Variants in BFSP2 observed in about 807,000 individuals in gnomAD.
BFSP2 encodes the protein beaded filament structural protein 2, also known as phakinin.
BFSP2 carries 38 observed loss-of-function variants against 44.9 expected under a neutral mutation model. The ratio of observed to expected loss-of-function variants is 0.85; its 90% CI spans 0.65 to 1.11. BFSP2 has a LOEUF of 1.11. Among genes scored for constraint, BFSP2 ranks in the 50% least tolerant of loss-of-function variants. The probability of loss-of-function intolerance (pLI) is 0.00; values close to 1 mark genes in which losing one functional copy is unlikely to be tolerated. For synonymous variants in BFSP2, 197 were observed against 209.9 expected, an observed-to-expected ratio of 0.94 and a Z score of 0.53; for missense variants, 525 against 533.0, an observed-to-expected ratio of 0.99 and a Z score of 0.15.
At chr3:133,404,570 A>C (rs1216254038) in intron 1 of BFSP2, among the ~76,000 whole-genome samples, 1 of 152,184 alleles carries the variant, frequency 6.6e-6, no homozygotes, top group African/African-American at 2.4e-5. Context: ...AGAATCATGG[A>C]GCGAGGCCTC....
chr3:133,465,001 C>CTTTT (rs71136470), intron 4 of BFSP2, among the ~76,000 whole-genome samples: 92 of 132,094 alleles, frequency 7.0e-4, no homozygotes, highest in African/African-American at 2.4e-3. Context: ...CTTGGGGTTT[C>CTTTT]TTTTTTTTTT....
At position 133,450,438 on chromosome 3, in the gene BFSP2, G is replaced by A. The variant is rs145444931; in HGVS notation, c.865G>A (p.Glu289Lys). ...WERDVEKNRV[E>K]AGALLQAKQQ... ...GAGAGATGTTGAAAAGAACCGGGTG[G>A]AGGCAGGAGCCCTGCTCCAAGCTAA... Residue 289 changes from glutamate (E) to lysine (K), a missense_variant, in exon 4 of 7, where the codon GAG becomes AAG. Glu to Lys is a moderately conservative substitution (Grantham distance 56). Transcript: ENST00000302334. The A allele has an allele frequency of 5.0e-4, 799 of 1,613,964 alleles. No homozygotes were observed. The highest frequency in any genetic ancestry group is 6.3e-4 in the Non-Finnish European group (743 of 1,180,022).
intron 1 of BFSP2, among the ~76,000 whole-genome samples, chr3:133,438,709 A>G (rs981086669): frequency 6.6e-6 from 1 of 152,216 alleles, no homozygotes; most frequent in African/African-American, 2.4e-5. Context: ...ATTAAAATAG[A>G]AGAACTACAA....
chr3:133,423,000 C>A (rs1336440940), intron 1 of BFSP2, among the ~76,000 whole-genome samples: 1 of 152,190 alleles, frequency 6.6e-6, no homozygotes, highest in Non-Finnish European at 1.5e-5. Flanking sequence ...TGTCATGGTT[C>A]CAGATACCCA....
chr3:133,420,466 A>G (rs2073582409), intron 1 of BFSP2, among the ~76,000 whole-genome samples: 1 of 152,196 alleles, frequency 6.6e-6, no homozygotes, highest in Non-Finnish European at 1.5e-5. Context: ...CTCTCTGTCC[A>G]GATAGAATCA....
chr3:133,469,864 C>A (rs944116208), intron 5 of BFSP2, among the ~76,000 whole-genome samples: 2 of 152,208 alleles, frequency 1.3e-5, no homozygotes, highest in African/African-American at 4.8e-5. Flanking sequence ...GGTCCTAAGT[C>A]ACCATGGAAA....
intron 1 of BFSP2, among the ~76,000 whole-genome samples, chr3:133,414,945 A>AC (rs200313229): frequency 2.5e-4 from 6 of 23,578 alleles, no homozygotes; most frequent in African/African-American, 3.5e-4. Flanking sequence ...CCCTCTACTC[A>AC]CCCTGCCATC....
intron 1 of BFSP2, among the ~76,000 whole-genome samples, chr3:133,420,220 A>T (rs2073580455): frequency 6.6e-6 from 1 of 152,216 alleles, no homozygotes; most frequent in Non-Finnish European, 1.5e-5. Context: ...GGGGCTTGTT[A>T]TGAGGTTTAG....
rs544415126 is a variant in BFSP2, at chr3:133,434,219, T to G, written c.490-13098T>G. Among the ~76,000 whole-genome samples the G allele has an allele frequency of 1.9e-4, 29 of 152,322 alleles. 1 individual carries two copies. Among genetic ancestry groups the G allele is most frequent in the Middle Eastern group, 3.4e-3 (1 of 294 alleles). Reference sequence around the variant, plus strand: ...CCTAGGTCCTGCCAATTCTTAGACCTTTTATACCTGTTTTTCTCCTTCTCT... The same window carrying G: ...CCTAGGTCCTGCCAATTCTTAGACCGTTTATACCTGTTTTTCTCCTTCTCT... On this transcript the variant is annotated intron_variant, in intron 1 of 6. Transcript: ENST00000302334.
rs186574158 is a variant in BFSP2, at chr3:133,450,394, C to T, written c.821C>T (p.Thr274Met). Residue 274 changes from threonine to methionine, a missense_variant, in exon 4 of 7, where the codon ACG (threonine) becomes ATG (methionine). Coordinates refer to ENST00000302334, the MANE Select transcript of BFSP2 (RefSeq NM_003571.4). ...IGTGLDDILE[T>M]IRIQWERDVE... ...ACTGGTCTGGACGACATCCTTGAGA[C>T]GATCAGAATTCAGTGGGAGAGAGAT... The T allele has an allele frequency of 3.8e-5, 61 of 1,614,098 alleles. No individual in the cohort carries two copies. Among genetic ancestry groups the T allele is most frequent in the African/African-American group, 5.3e-5 (4 of 75,012 alleles).
intron 1 of BFSP2, among the ~76,000 whole-genome samples, chr3:133,431,114 C>A (rs1388121603): frequency 6.6e-6 from 1 of 152,066 alleles, no homozygotes; most frequent in Non-Finnish European, 1.5e-5. Context: ...GCTTTACAGC[C>A]CTAGACCCTA....
intron 1 of BFSP2, among the ~76,000 whole-genome samples, chr3:133,418,479 T>C (rs762929143): frequency 6.6e-6 from 1 of 151,982 alleles, no homozygotes; most frequent in Non-Finnish European, 1.5e-5. Context: ...GTACCCAGCG[T>C]CCCTGAGGAG....
At chr3:133,403,023 C>A (rs999271031) in intron 1 of BFSP2, among the ~76,000 whole-genome samples, 3 of 152,152 alleles carry the variant, frequency 2.0e-5, no homozygotes, top group Non-Finnish European at 2.9e-5. Context: ...CAAAAGAAAA[C>A]TCCATAATTG....
intron 5 of BFSP2, among the ~76,000 whole-genome samples, chr3:133,468,800 A>T (rs2074135319): frequency 6.6e-6 from 1 of 152,226 alleles, no homozygotes; most frequent in Admixed American, 6.5e-5. Flanking sequence ...GCAAGGTCAC[A>T]TTGAGAAAGC....
chr3:133,467,031 T>C (rs2074117347), intron 5 of BFSP2, 72 bp downstream of exon 5: 3 of 1,587,570 alleles, frequency 1.9e-6, no homozygotes, highest in East Asian at 2.2e-5. Context: ...TCCAGTATTA[T>C]GGATCTTAGT....
At chr3:133,438,717 C>T (rs556123473) in intron 1 of BFSP2, among the ~76,000 whole-genome samples, 1 of 151,972 alleles carries the variant, frequency 6.6e-6, no homozygotes, top group Non-Finnish European at 1.5e-5. Flanking sequence ...AGAAGAACTA[C>T]AAAATAGAGC....
chr3:133,434,328 T>A (rs58895916), intron 1 of BFSP2, among the ~76,000 whole-genome samples: 55,889 of 151,658 alleles, frequency 0.37, 12,868 homozygotes, highest in African/African-American at 0.66. Context: ...TCTTCTAACA[T>A]CCCCACAATA....
At chr3:133,408,049 C>T (rs1204908808) in intron 1 of BFSP2, among the ~76,000 whole-genome samples, 3 of 151,720 alleles carry the variant, frequency 2.0e-5, no homozygotes, top group Admixed American at 2.0e-4. Flanking sequence ...TAAAATGTTG[C>T]ATTTCAAAAT....
At chr3:133,450,527 A>C in intron 4 of BFSP2, 63 bp downstream of exon 4, 2 of 1,585,018 alleles carry the variant, frequency 1.3e-6, no homozygotes. Context: ...GCTGAGCTGC[A>C]AACTAGTCAA....
Sources: gnomAD v4.1 joint callset for allele counts (sites outside exome capture counted in the v4.1 genomes callset) on GRCh38, gnomAD v4.1.1 for gene constraint, MANE v1.5 for transcripts, NCBI Gene and HGNC (gene_info 2026-07-23, HGNC 2026-07-21) for gene names.